PTPN3: variants seen among roughly 807,000 people sequenced by gnomAD.
PTPN3 encodes tyrosine-protein phosphatase non-receptor type 3.
A neutral mutation model predicts 132.7 loss-of-function variants in PTPN3; 96 were observed. The ratio of observed to expected loss-of-function variants is 0.72; its 90% CI spans 0.61 to 0.86. The LOEUF (loss-of-function observed/expected upper bound fraction) is 0.86. Ranked by LOEUF, PTPN3 falls within the 40% of genes least tolerant of loss-of-function variation. PTPN3 has a pLI of 0.00. For missense variants in PTPN3, 1,125 were observed against 1,159.6 expected (o/e 0.97, Z 0.43); for synonymous variants, 398 against 429.0 (o/e 0.93, Z 0.89).
At chr9:109,383,182 C>G in intron 23 of PTPN3, 1 of 590,062 alleles carries the variant, frequency 1.7e-6, no homozygotes, top group East Asian at 3.1e-5. Flanking sequence ...TATGGACAGA[C>G]CACGTGCTGT....
Position 109,409,994 on chromosome 9 carries a change from C to T in PTPN3, c.1578+5G>A. The stretch of plus-strand genomic sequence containing the variant: ...CAAAACTTCCTTTATAAATACACAA[C>T]ATACCTTAAGATTAAATCCAAATTT... On this transcript the variant is annotated splice_donor_5th_base_variant and intron_variant, in intron 16 of 25. Coordinates refer to ENST00000374541, the MANE Select transcript of PTPN3 (RefSeq NM_002829.4). 1 of 1,613,978 alleles carries T rather than the reference C, an allele frequency of 6.2e-7. No individual in the cohort carries two copies. The highest frequency in any genetic ancestry group is 8.5e-7 in the Non-Finnish European group (1 of 1,179,914).
chr9:109,457,338 T>C lies in PTPN3; in HGVS notation c.200A>G (p.Lys67Arg), dbSNP rs1239326002. 1 of 1,614,172 alleles carries C rather than the reference T, an allele frequency of 6.2e-7. No homozygotes were observed. The highest frequency in any genetic ancestry group is 8.5e-7 in the Non-Finnish European group (1 of 1,180,034). ...MVHNHLGVTE[K>R]EYFGLQHDDD... ...ATCATGCTGTAAACCAAAATATTCC[T>C]TTTCAGTCACACCCAGGTGGTTGTG... The change falls in exon 3 of 26, where the codon AAG (lysine) becomes AGG (arginine). Residue 67 changes from lysine (K) to arginine (R), a missense_variant. Physicochemically the swap from Lys to Arg is conservative, Grantham distance 26. Coordinates refer to ENST00000374541, the MANE Select transcript of PTPN3 (RefSeq NM_002829.4).
chr9:109,423,514 G>T (rs144970589), intron 12 of PTPN3, among the ~76,000 whole-genome samples: 1 of 152,294 alleles, frequency 6.6e-6, no homozygotes, highest in East Asian at 1.9e-4. Flanking sequence ...GCTGAGGCAT[G>T]AGAACCCCCT....
intron 14 of PTPN3, among the ~76,000 whole-genome samples, chr9:109,411,338 C>T (rs1472365895): frequency 6.6e-6 from 1 of 152,156 alleles, no homozygotes; most frequent in Non-Finnish European, 1.5e-5. Context: ...GAAACCTGAC[C>T]GATGTGCGTC....
chr9:109,475,814 C>G (rs911664583), intron 1 of PTPN3, among the ~76,000 whole-genome samples: 2 of 152,184 alleles, frequency 1.3e-5, no homozygotes, highest in African/African-American at 2.4e-5. Flanking sequence ...AGCCAAGAAG[C>G]TGGAATCTCA....
At chr9:109,528,780 TCTCCTC>T in the PTPN3 span, among the ~76,000 whole-genome samples, 1 of 152,098 alleles carries the variant, frequency 6.6e-6, no homozygotes, top group South Asian at 2.1e-4. Context: ...TCCTTTTCCT[TCTCCTC>T]CTCCTCCTTC....
intron 14 of PTPN3, among the ~76,000 whole-genome samples, chr9:109,419,982 A>AC (rs1297794498): frequency 6.6e-6 from 1 of 152,148 alleles, no homozygotes; most frequent in East Asian, 1.9e-4. Flanking sequence ...ACCCCTCAGA[A>AC]CCCTGTTGTT....
chr9:109,453,405 TA>T (rs1175055922), intron 5 of PTPN3, among the ~76,000 whole-genome samples: 1 of 152,172 alleles, frequency 6.6e-6, no homozygotes, highest in Non-Finnish European at 1.5e-5. Flanking sequence ...GGATCAATAA[TA>T]AAAGGGCTTA....
intron 5 of PTPN3, chr9:109,449,524 G>A: frequency 6.1e-6 from 6 of 985,546 alleles, no homozygotes; most frequent in Non-Finnish European, 7.2e-6. Flanking sequence ...GGCAAGTCGT[G>A]GCAGGCCCCT....
chr9:109,382,574 C>G, intron 23 of PTPN3, 127 bp from the exon 24 acceptor site: 1 of 1,075,298 alleles, frequency 9.3e-7, no homozygotes, highest in Non-Finnish European at 1.3e-6. Flanking sequence ...CCTGCTGTGG[C>G]CCCTAGCAAT....
chr9:109,454,850 G>A (rs1427128345), intron 4 of PTPN3, among the ~76,000 whole-genome samples: 2 of 152,160 alleles, frequency 1.3e-5, no homozygotes, highest in African/African-American at 4.8e-5. Flanking sequence ...ATTGCACTCC[G>A]TCATCTGTAT....
chr9:109,417,831 A>G (rs1241934178), intron 14 of PTPN3: 1 of 960,754 alleles, frequency 1.0e-6, no homozygotes, highest in Non-Finnish European at 1.2e-6. Flanking sequence ...GTTATTTGCT[A>G]TTCTTAACAT....
intron 2 of PTPN3, among the ~76,000 whole-genome samples, chr9:109,462,308 C>A (rs1224290237): frequency 6.6e-6 from 1 of 152,242 alleles, no homozygotes. Context: ...TCCACGCAAA[C>A]TGCCTTCTCC....
chr9:109,517,566 G>A, the PTPN3 span, among the ~76,000 whole-genome samples: 1 of 152,192 alleles, frequency 6.6e-6, no homozygotes, highest in Admixed American at 6.5e-5. Context: ...GGATTCCCAA[G>A]CCTCATAGGT....
At chr9:109,465,299 G>A (rs192018783) in intron 1 of PTPN3, among the ~76,000 whole-genome samples, 36 of 152,270 alleles carry the variant, frequency 2.4e-4, no homozygotes, top group African/African-American at 7.9e-4. Context: ...TGAAGCAGCC[G>A]GGCACGGTGG....
chr9:109,391,874 G>T (rs1030494190), intron 19 of PTPN3, among the ~76,000 whole-genome samples: 1 of 105,706 alleles, frequency 9.5e-6, no homozygotes, highest in African/African-American at 3.7e-5. Context: ...TAGATGTGGG[G>T]GGGGGGGGGA....
intron 22 of PTPN3, among the ~76,000 whole-genome samples, chr9:109,387,315 C>T (rs1378927530): frequency 6.6e-6 from 1 of 152,178 alleles, no homozygotes; most frequent in Non-Finnish European, 1.5e-5. Flanking sequence ...TGCCGAAGAG[C>T]CTCGTTGCCT....
chr9:109,423,940 G>C (rs1433361138), intron 12 of PTPN3, among the ~76,000 whole-genome samples: 2 of 152,130 alleles, frequency 1.3e-5, no homozygotes, highest in Non-Finnish European at 2.9e-5. Flanking sequence ...TCGCCCTGTA[G>C]CACATCATGT....
chr9:109,392,380 A>AT (rs879679294), intron 19 of PTPN3, among the ~76,000 whole-genome samples: 220 of 144,398 alleles, frequency 1.5e-3, no homozygotes, highest in South Asian at 2.6e-3. Flanking sequence ...GTTGGAAGTG[A>AT]TTTTTTTTTT....
Sources: gnomAD v4.1 joint callset for allele counts (sites outside exome capture counted in the v4.1 genomes callset) on GRCh38, gnomAD v4.1.1 for gene constraint, MANE v1.5 for transcripts, NCBI Gene and HGNC (gene_info 2026-07-23, HGNC 2026-07-21) for gene names.